TP63: variants seen among roughly 807,000 people sequenced by gnomAD.
TP63 encodes the protein tumor protein 63.
TP63 carries 17 observed loss-of-function variants against 82.8 expected under a neutral mutation model. The observed-to-expected ratio is 0.21, with a 90% CI of 0.14 to 0.31. TP63 has a LOEUF of 0.31. TP63 is among the 10% of genes least tolerant of loss of function. The probability of loss-of-function intolerance (pLI) is 1.00; values close to 1 mark genes in which losing one functional copy is unlikely to be tolerated. For synonymous variants in TP63, 330 were observed against 321.7 expected (o/e 1.03, Z -0.28); for missense variants, 648 against 895.3 (o/e 0.72, Z 3.52).
At chr3:189,729,594 G>A (rs1283460303) in intron 1 of TP63, among the ~76,000 whole-genome samples, 1 of 152,078 alleles carries the variant, frequency 6.6e-6, no homozygotes, top group Non-Finnish European at 1.5e-5. Flanking sequence ...AGATATTAAG[G>A]CATACACAAT....
chr3:189,641,769 TG>T (rs1179874344), intron 1 of TP63, among the ~76,000 whole-genome samples: 2 of 152,316 alleles, frequency 1.3e-5, no homozygotes, highest in East Asian at 3.9e-4. Flanking sequence ...GATAGTTCAA[TG>T]GTCCAAATAT....
intron 3 of TP63, among the ~76,000 whole-genome samples, chr3:189,746,718 G>T (rs6444396): frequency 0.078 from 11,845 of 151,314 alleles, 751 homozygotes; most frequent in African/African-American, 0.17. Context: ...AATCTAAATG[G>T]AATATACTTT....
At chr3:189,627,803 C>T (rs550497135), upstream of TP63, among the ~76,000 whole-genome samples, 3 of 151,998 alleles carry the variant, frequency 2.0e-5, no homozygotes, top group Admixed American at 6.6e-5. Context: ...ATCTTGATTG[C>T]GATGAAGGCT....
intron 4 of TP63, among the ~76,000 whole-genome samples, chr3:189,839,059 A>AT (rs71175312): frequency 7.3e-6 from 1 of 136,700 alleles, no homozygotes; most frequent in Non-Finnish European, 1.6e-5. Flanking sequence ...AAAAAAAAAA[A>AT]AAAAAGAAAA....
chr3:189,621,006 T>C, the TP63 span, among the ~76,000 whole-genome samples: 1 of 152,228 alleles, frequency 6.6e-6, no homozygotes, highest in African/African-American at 2.4e-5. Flanking sequence ...TTCACCTGTA[T>C]AGTTTTTATA....
At position 189,631,417 on chromosome 3, in the gene TP63, C is replaced by T. The variant is rs1729447816; in HGVS notation, c.-99C>T. ...TGTCTGATAGCATTTGACCCTATTG[C>T]TTTTAGCCTCCCGGCTTTATATCTA... On this transcript the variant is annotated 5_prime_UTR_variant, in exon 1 of 14. Coordinates refer to ENST00000264731, the MANE Select transcript of TP63 (RefSeq NM_003722.5). The T allele has an allele frequency of 1.9e-5, 30 of 1,589,374 alleles. No individual in the cohort carries two copies. The highest frequency in any genetic ancestry group is 1.3e-4 in the South Asian group (12 of 89,124).
intron 6 of TP63, 94 bp from the exon 7 acceptor site, chr3:189,867,739 A>T: frequency 8.8e-7 from 1 of 1,132,512 alleles, no homozygotes; most frequent in Non-Finnish European, 1.3e-6. Context: ...TCACTTCATC[A>T]GAAGTGGAAT....
At chr3:189,719,200 T>C (rs1719188787) in intron 1 of TP63, among the ~76,000 whole-genome samples, 1 of 152,194 alleles carries the variant, frequency 6.6e-6, no homozygotes. Context: ...AGAGAACTTG[T>C]TCTTTGGGAA....
chr3:189,801,267 T>C (rs972669901), intron 3 of TP63, among the ~76,000 whole-genome samples: 108 of 152,320 alleles, frequency 7.1e-4, no homozygotes, highest in African/African-American at 2.5e-3. Flanking sequence ...TGAAAACATA[T>C]TGATTGCTAT....
chr3:189,790,108 A>G (rs1724984892), intron 3 of TP63, among the ~76,000 whole-genome samples: 1 of 151,996 alleles, frequency 6.6e-6, no homozygotes, highest in African/African-American at 2.4e-5. Flanking sequence ...TCAGGAGTTT[A>G]TAAAATCACT....
intron 4 of TP63, among the ~76,000 whole-genome samples, chr3:189,812,588 A>C (rs1223879172): frequency 6.6e-6 from 1 of 152,210 alleles, no homozygotes; most frequent in East Asian, 1.9e-4. Flanking sequence ...TACTAACAGC[A>C]TATGGGGCTT....
chr3:189,604,048 A>C, the TP63 span, among the ~76,000 whole-genome samples: 28 of 152,296 alleles, frequency 1.8e-4, no homozygotes, highest in African/African-American at 6.7e-4. Context: ...TCACAAAAAA[A>C]GAATTAGTAG....
At chr3:189,674,121 A>G (rs1396666547) in intron 1 of TP63, among the ~76,000 whole-genome samples, 1 of 152,128 alleles carries the variant, frequency 6.6e-6, no homozygotes, top group African/African-American at 2.4e-5. Flanking sequence ...ATAAGTCATA[A>G]AACAATGTAC....
At chr3:189,705,779 T>C (rs1718153410) in intron 1 of TP63, among the ~76,000 whole-genome samples, 1 of 152,214 alleles carries the variant, frequency 6.6e-6, no homozygotes, top group African/African-American at 2.4e-5. Context: ...AGATTTTTTG[T>C]ATGTCAAAAG....
intron 1 of TP63, among the ~76,000 whole-genome samples, chr3:189,685,138 C>A (rs933960366): frequency 1.3e-5 from 2 of 151,908 alleles, no homozygotes; most frequent in Non-Finnish European, 2.9e-5. Flanking sequence ...CTAAATGTAA[C>A]CAAAGACAGA....
intron 3 of TP63, among the ~76,000 whole-genome samples, chr3:189,748,417 AGAAGGCAATTTCATTTAC>A (rs1231995860): frequency 6.6e-6 from 1 of 151,620 alleles, no homozygotes; most frequent in Non-Finnish European, 1.5e-5. Context: ...AAAGAAATCA[AGAAGGCAATTTCATTTAC>A]AATGGCCACA....
intron 3 of TP63, among the ~76,000 whole-genome samples, chr3:189,751,662 G>A (rs1279978745): frequency 6.6e-6 from 1 of 152,036 alleles, no homozygotes. Context: ...CTTTTTGATG[G>A]GGTTGTTTGT....
chr3:189,687,127 C>T (rs924165078), intron 1 of TP63, among the ~76,000 whole-genome samples: 2 of 152,008 alleles, frequency 1.3e-5, no homozygotes, highest in African/African-American at 2.4e-5. Context: ...AAGTGGTCTA[C>T]AGATCTGTAC....
chr3:189,596,783 T>C, the TP63 span, among the ~76,000 whole-genome samples: 4 of 152,118 alleles, frequency 2.6e-5, no homozygotes, highest in Non-Finnish European at 4.4e-5. Context: ...CTGTGGAAGC[T>C]TTGTTCTTTT....
Sources: allele counts gnomAD v4.1 joint callset (sites outside exome capture counted in the v4.1 genomes callset), GRCh38; gene constraint gnomAD v4.1.1; transcripts MANE v1.5; gene names NCBI Gene and HGNC (gene_info 2026-07-23, HGNC 2026-07-21).